The following XYLB variants were observed in gnomAD, a reference collection of about 807,000 sequenced individuals.
XYLB encodes the protein xylulokinase.
XYLB carries 62 observed loss-of-function variants against 78.7 expected under a neutral mutation model. The ratio of observed to expected loss-of-function variants is 0.79; its 90% CI spans 0.64 to 0.97. XYLB has a LOEUF of 0.97. Among genes scored for constraint, XYLB ranks in the 50% least tolerant of loss-of-function variants. The pLI is 0.00. For missense variants in XYLB, 687 were observed against 676.8 expected (o/e 1.02, Z -0.17); for synonymous variants, 245 against 247.4 (o/e 0.99, Z 0.09).
intron 15 of XYLB, among the ~76,000 whole-genome samples, chr3:38,393,838 T>C (rs1707767094): frequency 6.6e-6 from 1 of 152,242 alleles, no homozygotes; most frequent in Non-Finnish European, 1.5e-5. Flanking sequence ...AAAGAGGTAA[T>C]ATCTGTCTTT....
intron 15 of XYLB, 82 bp downstream of exon 15, chr3:38,379,424 A>G: frequency 7.3e-7 from 1 of 1,377,830 alleles, no homozygotes; most frequent in Non-Finnish European, 1.0e-6. Context: ...TAGTGGGGCA[A>G]TATCTACTAA....
At chr3:38,351,724 A>G (rs963948091) in intron 2 of XYLB, among the ~76,000 whole-genome samples, 4 of 152,170 alleles carry the variant, frequency 2.6e-5, no homozygotes, top group Admixed American at 2.0e-4. Flanking sequence ...TGTGTTTTCT[A>G]TCACTAGTTT....
intron 15 of XYLB, among the ~76,000 whole-genome samples, chr3:38,394,050 G>T (rs954374672): frequency 6.6e-6 from 1 of 152,134 alleles, no homozygotes; most frequent in African/African-American, 2.4e-5. Context: ...AATTGGTCTA[G>T]TTCCTTAAAA....
At chr3:38,352,496 C>T (rs188341421) in intron 2 of XYLB, among the ~76,000 whole-genome samples, 2 of 152,110 alleles carry the variant, frequency 1.3e-5, no homozygotes, top group Non-Finnish European at 2.9e-5. Flanking sequence ...TCATACCTTC[C>T]TATATTTCCA....
At chr3:38,391,350 G>C (rs1707647811) in intron 15 of XYLB, among the ~76,000 whole-genome samples, 1 of 152,008 alleles carries the variant, frequency 6.6e-6, no homozygotes, top group Admixed American at 6.6e-5. Flanking sequence ...CCAGATTTTT[G>C]TATTATAATT....
chr3:38,381,068 C>T (rs1439336354), intron 15 of XYLB, among the ~76,000 whole-genome samples: 3 of 152,144 alleles, frequency 2.0e-5, no homozygotes, highest in Non-Finnish European at 2.9e-5. Flanking sequence ...TCCAGGAGTT[C>T]GAGACCAGAC....
At chr3:38,400,495 T>G (rs538116818) in intron 17 of XYLB, among the ~76,000 whole-genome samples, 29 of 151,686 alleles carry the variant, frequency 1.9e-4, no homozygotes, top group Non-Finnish European at 2.9e-4. Flanking sequence ...GCAGAATGAG[T>G]GGAGAGAAGA....
chr3:38,350,083 C>T (rs1278264138), intron 2 of XYLB, among the ~76,000 whole-genome samples: 2 of 152,142 alleles, frequency 1.3e-5, no homozygotes, highest in Non-Finnish European at 2.9e-5. Context: ...TTTGAGGCAC[C>T]CTCGTGAGGG....
intron 15 of XYLB, among the ~76,000 whole-genome samples, chr3:38,381,439 G>GA: frequency 6.6e-6 from 1 of 152,236 alleles, no homozygotes; most frequent in South Asian, 2.1e-4. Context: ...TGGGCACCTT[G>GA]AAAAAAGAAC....
At chr3:38,421,434 CTTAT>C (rs1227096881), downstream of XYLB, 2 of 152,260 alleles carry the variant, frequency 1.3e-5, no homozygotes, top group African/African-American at 2.4e-5. Context: ...AGGCATGAGG[CTTAT>C]TTGAGTCTGC....
At chr3:38,357,910 G>GT (rs11379464) in intron 2 of XYLB, among the ~76,000 whole-genome samples, 135,123 of 151,226 alleles carry the variant, frequency 0.89, 60,965 homozygotes, top group East Asian at 1. Context: ...AGTTGTAAAA[G>GT]TTTTTTTTAA....
At chr3:38,385,638 G>A (rs1426246690) in intron 15 of XYLB, among the ~76,000 whole-genome samples, 2 of 152,276 alleles carry the variant, frequency 1.3e-5, no homozygotes, top group Admixed American at 1.3e-4. Flanking sequence ...GCATCAGTGA[G>A]TGGTCCTTCA....
chr3:38,386,509 T>C (rs546817579), intron 15 of XYLB, among the ~76,000 whole-genome samples: 7 of 152,344 alleles, frequency 4.6e-5, no homozygotes, highest in Non-Finnish European at 8.8e-5. Context: ...TCAATTTTTC[T>C]TTTTCTTTTC....
At chr3:38,388,987 C>T (rs1205615223) in intron 15 of XYLB, among the ~76,000 whole-genome samples, 4 of 147,484 alleles carry the variant, frequency 2.7e-5, no homozygotes, top group East Asian at 2.0e-4. Flanking sequence ...GGGTGTTTCT[C>T]GCAGAGGGGG....
intron 3 of XYLB, among the ~76,000 whole-genome samples, chr3:38,361,054 G>T (rs551385685): frequency 1.3e-5 from 2 of 152,220 alleles, no homozygotes; most frequent in Admixed American, 6.5e-5. Context: ...AGAAAAAAAA[G>T]AAATACAAAC....
downstream of XYLB, among the ~76,000 whole-genome samples, chr3:38,418,194 CAA>C (rs56163697): frequency 1.8e-3 from 194 of 106,830 alleles, 2 homozygotes; most frequent in African/African-American, 6.3e-3. Context: ...GACTCTGTCT[CAA>C]AAAAAAAAAA....
At chr3:38,435,928 A>G in the XYLB span, among the ~76,000 whole-genome samples, 97 of 152,342 alleles carry the variant, frequency 6.4e-4, no homozygotes, top group African/African-American at 2.3e-3. Context: ...GGGATACAGC[A>G]AAAGTAGTGC....
intron 2 of XYLB, among the ~76,000 whole-genome samples, chr3:38,350,848 A>G (rs1000553384): frequency 5.3e-5 from 8 of 152,018 alleles, no homozygotes; most frequent in African/African-American, 1.9e-4. Context: ...GTTATTTAGA[A>G]GAATGTTTTT....
chr3:38,406,587 G>A (rs1464161968), intron 18 of XYLB, among the ~76,000 whole-genome samples: 2 of 152,190 alleles, frequency 1.3e-5, no homozygotes. Context: ...ACTACTCTGA[G>A]CTACAGGAGG....
Sources: gnomAD v4.1 joint callset for allele counts (sites outside exome capture counted in the v4.1 genomes callset) on GRCh38, gnomAD v4.1.1 for gene constraint, MANE v1.5 for transcripts, NCBI Gene and HGNC (gene_info 2026-07-23, HGNC 2026-07-21) for gene names.